PACRGL: variants seen among roughly 807,000 people sequenced by gnomAD.
The protein encoded by PACRGL is PACRG-like protein.
In PACRGL, 38 loss-of-function variants were observed where a neutral mutation model predicts 34.5. That is an observed-to-expected ratio of 1.10 (90% confidence interval 0.85 to 1.44). The LOEUF (loss-of-function observed/expected upper bound fraction) is 1.44. Among genes scored for constraint, PACRGL ranks in the 40% most tolerant of loss-of-function variants. The pLI is 0.00. For missense variants in PACRGL, 305 were observed against 281.4 expected (o/e 1.08, Z -0.60); for synonymous variants, 128 against 100.1 (o/e 1.28, Z -1.66).
chr4:20,741,430 C>T (rs536004440), intron 8 of PACRGL, among the ~76,000 whole-genome samples: 159 of 152,198 alleles, frequency 1.0e-3, no homozygotes, highest in Non-Finnish European at 1.6e-3. Context: ...CAAAACTGCA[C>T]AACTACTTGG....
At chr4:20,765,850 G>A in the PACRGL span, among the ~76,000 whole-genome samples, 1 of 152,174 alleles carries the variant, frequency 6.6e-6, no homozygotes, top group Non-Finnish European at 1.5e-5. Context: ...CCTTACTGCT[G>A]TGTTCCCTGA....
chr4:20,709,537 A>G (rs1422107496), intron 4 of PACRGL, 146 bp from the exon 5 acceptor site: 3 of 505,960 alleles, frequency 5.9e-6, no homozygotes, highest in Non-Finnish European at 1.0e-5. Context: ...ATTACTTTGT[A>G]AAATGTCCTT....
At chr4:20,741,535 C>T (rs1751102521) in intron 8 of PACRGL, among the ~76,000 whole-genome samples, 1 of 152,268 alleles carries the variant, frequency 6.6e-6, no homozygotes, top group South Asian at 2.1e-4. Context: ...AACAAAGACA[C>T]AACGTACCAG....
Position 20,732,340 on chromosome 4 carries a change from C to T in PACRGL, c.*4999C>T, listed in dbSNP as rs6811505. On this transcript the variant is annotated 3_prime_UTR_variant, in exon 9 of 9. Transcript: ENST00000503585. ...CACCTTCTAGATGTGACAGAGCTTGCGCAATTTGCTGAAACTTTCAGAGCT... is the reference window on the plus strand; with the variant it reads ...CACCTTCTAGATGTGACAGAGCTTGTGCAATTTGCTGAAACTTTCAGAGCT... 1.3e-5 allele frequency among the ~76,000 whole-genome samples: 2 copies of T among 151,938 alleles called. No individual in the cohort carries two copies. The highest frequency in any genetic ancestry group is 2.4e-5 in the African/African-American group (1 of 41,340).
intron 3 of PACRGL, 110 bp downstream of exon 3, chr4:20,704,924 A>G: frequency 8.0e-7 from 1 of 1,245,728 alleles, no homozygotes; most frequent in Non-Finnish European, 1.1e-6. Flanking sequence ...GTTTTGAGCT[A>G]ATAATGAGAG....
intron 7 of PACRGL, among the ~76,000 whole-genome samples, chr4:20,724,154 G>A (rs1744680354): frequency 6.6e-6 from 1 of 152,156 alleles, no homozygotes; most frequent in African/African-American, 2.4e-5. Context: ...GGACTTTAAA[G>A]AGGGAATAAA....
intron 7 of PACRGL, among the ~76,000 whole-genome samples, chr4:20,721,874 C>T (rs1462121382): frequency 6.6e-6 from 1 of 152,226 alleles, no homozygotes; most frequent in Admixed American, 6.5e-5. Flanking sequence ...ACATTTAAGT[C>T]TGCAGAGGTT....
chr4:20,748,894 G>GTGTGTATATATA (rs1160169512), intron 8 of PACRGL, among the ~76,000 whole-genome samples: 1 of 145,248 alleles, frequency 6.9e-6, no homozygotes, highest in African/African-American at 2.5e-5. Flanking sequence ...GTGTGTGTGT[G>GTGTGTATATATA]TATATATATA....
At chr4:20,748,072 A>G (rs1228307979) in intron 8 of PACRGL, among the ~76,000 whole-genome samples, 1 of 152,046 alleles carries the variant, frequency 6.6e-6, no homozygotes, top group African/African-American at 2.4e-5. Flanking sequence ...TTAGCTGCTA[A>G]TTACACTCCA....
the PACRGL span, among the ~76,000 whole-genome samples, chr4:20,760,843 G>GAGCA: frequency 3.9e-5 from 6 of 152,106 alleles, no homozygotes; most frequent in Admixed American, 3.3e-4. Context: ...AAAAACAAAT[G>GAGCA]AGCAAGCAAG....
At chr4:20,714,655 GT>G (rs922898053) in intron 7 of PACRGL, among the ~76,000 whole-genome samples, 1 of 152,126 alleles carries the variant, frequency 6.6e-6, no homozygotes, top group Non-Finnish European at 1.5e-5. Flanking sequence ...TCCTTTCCAT[GT>G]TTAGTGCTTC....
rs1735232862 is a variant in PACRGL at position 20,707,812 on chromosome 4, C to G, written c.217C>G (p.Gln73Glu). The change falls in exon 4 of 9, where the codon CAG becomes GAG. Residue 73 changes from glutamine (Q) to glutamate (E), a missense_variant. Coordinates refer to ENST00000503585, the MANE Select transcript of PACRGL (RefSeq NM_001258345.3). ...TCATTTTTTATTTTAGTTTGGTGAA[C>G]AGTCACGAGTGCCTTCTGCATTTGC... Reference protein sequence around the residue: ...NPKTINPFGEQSRVPSAFAAI... With the variant: ...NPKTINPFGEESRVPSAFAAI... 7.4e-6 allele frequency: 12 copies of G among 1,613,060 alleles called. No homozygotes were observed. The highest frequency in any genetic ancestry group is 5.0e-5 in the Admixed American group (3 of 59,972).
chr4:20,738,775 C>T (rs536008061), intron 8 of PACRGL, among the ~76,000 whole-genome samples: 10 of 152,084 alleles, frequency 6.6e-5, no homozygotes, highest in African/African-American at 1.2e-4. Context: ...GAGTGTGAGC[C>T]GAAGCAGGGT....
chr4:20,722,942 A>G lies in PACRGL; in HGVS notation c.610-1866A>G, dbSNP rs1462896811. On this transcript the variant is annotated intron_variant, in intron 7 of 8. Transcript: ENST00000503585. ...ATGGTTCCACTGTTTTTTCTTGGAT[A>G]CATCCATATGAGAGATCCTAGAACT... 4.6e-5 allele frequency among the ~76,000 whole-genome samples: 7 copies of G among 152,208 alleles called. No individual in the cohort carries two copies. The East Asian group carries it at 1.2e-3, about 25-fold the overall frequency.
At position 20,732,548 on chromosome 4, in the gene PACRGL, G is replaced by A. The variant is rs6812257; in HGVS notation, c.*5207G>A. ...CAAAACCAAAGCTATTAAATTAATA[G>A]GATGCTAAATACTGTTTTGTTTCAG... is the stretch of plus-strand genomic sequence containing the variant. On this transcript the variant is annotated 3_prime_UTR_variant, in exon 9 of 9. Coordinates refer to ENST00000503585, the MANE Select transcript of PACRGL (RefSeq NM_001258345.3). The A allele has an allele frequency of 0.3, 196,860 of 666,910 alleles. 31,311 individuals are homozygous for A. Among genetic ancestry groups the A allele is most frequent in the African/African-American group, 0.43 (23,614 of 54,478 alleles). The allele number at this position is 666,910 out of a possible 1,614,324, so 41.3% of individuals were successfully genotyped here.
intron 8 of PACRGL, among the ~76,000 whole-genome samples, chr4:20,743,421 G>T (rs1413937579): frequency 6.6e-6 from 1 of 152,058 alleles, no homozygotes; most frequent in African/African-American, 2.4e-5. Flanking sequence ...CCAAAACAGA[G>T]ATATAGACCA....
chr4:20,734,510 T>C (rs1048883614), downstream of PACRGL: 2 of 532,732 alleles, frequency 3.8e-6, no homozygotes. Flanking sequence ...TTCCACTACA[T>C]AAAATATTTT....
At chr4:20,727,011 T>C (rs1054084660) in intron 8 of PACRGL, among the ~76,000 whole-genome samples, 1 of 152,120 alleles carries the variant, frequency 6.6e-6, no homozygotes, top group African/African-American at 2.4e-5. Flanking sequence ...AAGTAATTAG[T>C]CCAGGTTTGA....
Position 20,730,314 on chromosome 4 carries a change from G to C in PACRGL, c.*2973G>C, listed in dbSNP as rs1398854127. The stretch of plus-strand genomic sequence containing the variant: ...ATCCATTTTCCACATAGATGACTAT[G>C]AAGGACCCATTTTATATTTTGTGGA... On this transcript the variant is annotated 3_prime_UTR_variant, in exon 9 of 9. Coordinates refer to ENST00000503585, the MANE Select transcript of PACRGL (RefSeq NM_001258345.3). Among the ~76,000 whole-genome samples the C allele has an allele frequency of 2.6e-5, 4 of 152,146 alleles. No individual in the cohort carries two copies. In the East Asian group the frequency reaches 7.7e-4, roughly 29 times the overall value.
Sources: allele counts gnomAD v4.1 joint callset (sites outside exome capture counted in the v4.1 genomes callset), GRCh38; gene constraint gnomAD v4.1.1; transcripts MANE v1.5; gene names NCBI Gene and HGNC (gene_info 2026-07-23, HGNC 2026-07-21).